The following KMT2C variants were observed in gnomAD, a reference collection of about 807,000 sequenced individuals.
The protein encoded by KMT2C is histone-lysine N-methyltransferase 2C.
Under a neutral mutation model 507.9 loss-of-function variants are expected in KMT2C, and 88 were observed. The ratio of observed to expected loss-of-function variants is 0.17; its 90% CI spans 0.15 to 0.21. The LOEUF (loss-of-function observed/expected upper bound fraction) is 0.21. Among genes scored for constraint, KMT2C ranks in the 10% least tolerant of loss-of-function variants. The pLI is 1.00. For missense variants in KMT2C, 4,954 were observed against 5,957.8 expected (o/e 0.83, Z 5.55); for synonymous variants, 2,049 against 2,080.8 (o/e 0.98, Z 0.42).
At chr7:152,290,587 C>T (rs1052017379) in intron 6 of KMT2C, among the ~76,000 whole-genome samples, 75 of 151,476 alleles carry the variant, frequency 5.0e-4, no homozygotes, top group African/African-American at 1.7e-3. Context: ...GGATTACAGG[C>T]GTAAACCACT....
chr7:152,156,227 G>T lies in KMT2C; in HGVS notation c.11790C>A (p.Ala3930=). 2 of 1,614,072 alleles carry T rather than the reference G, an allele frequency of 1.2e-6. No homozygotes were observed. Among genetic ancestry groups the T allele is most frequent in the Non-Finnish European group, 1.7e-6 (2 of 1,180,014 alleles). ...FATTEELAGK[A]GVLVSHEVTK... The stretch of plus-strand genomic sequence containing the variant: ...TACCTTCATGGCTCACTAACACTCC[G>T]GCTTTTCCAGCAAGTTCTTCAGTTG... Residue 3930 remains alanine (A), a synonymous_variant, in exon 45 of 59, where the codon GCC becomes GCA. Coordinates refer to ENST00000262189, the MANE Select transcript of KMT2C (RefSeq NM_170606.3).
chr7:152,205,112 C>G lies in KMT2C; in HGVS notation c.3955G>C (p.Asp1319His), dbSNP rs138119145. The G allele has an allele frequency of 6.6e-3, 10,631 of 1,610,346 alleles. 68 individuals carry two copies. Among genetic ancestry groups the G allele is most frequent in the Middle Eastern group, 0.012 (70 of 5,988 alleles). Reference protein sequence around the residue: ...GSISEQLPCRDDGWSEQLPDT... With the variant: ...GSISEQLPCRHDGWSEQLPDT... ...TTTTAAGTCAGTACTATACCATCAT[C>G]TCTGCAAGGTAACTGCTCGGAAATA... Residue 1319 changes from aspartate (D) to histidine (H), a missense_variant, in exon 25 of 59, where the codon GAT (aspartate) becomes CAT (histidine). Physicochemically the swap from Asp to His is moderately conservative, Grantham distance 81. Coordinates refer to ENST00000262189, the MANE Select transcript of KMT2C (RefSeq NM_170606.3).
At chr7:152,304,735 C>G (rs1290452365) in intron 6 of KMT2C, among the ~76,000 whole-genome samples, 1 of 152,022 alleles carries the variant, frequency 6.6e-6, no homozygotes, top group Non-Finnish European at 1.5e-5. Context: ...GAGACGAGAT[C>G]TCACTATGTT....
In KMT2C at chr7:152,158,932, T is replaced by C. The variant is rs182863630; in HGVS notation, c.11601A>G (p.Lys3867=). Reference sequence around the variant, plus strand: ...GTTTCTCCTCTTCGTCCTTTTTCCTTTTCTTTGAGCGAGGTGCTGCTTTCT... The same window carrying C: ...GTTTCTCCTCTTCGTCCTTTTTCCTCTTCTTTGAGCGAGGTGCTGCTTTCT... The part of the protein sequence containing the change: ...TGEKAAPRSK[K]RKKDEEEKQA... The change falls in exon 44 of 59, where the codon AAA becomes AAG. Residue 3867 remains lysine (K), a synonymous_variant. Transcript: ENST00000262189. 1.2e-6 allele frequency: 2 copies of C among 1,614,192 alleles called. No individual in the cohort carries two copies. The highest frequency in any genetic ancestry group is 1.7e-6 in the Non-Finnish European group (2 of 1,180,036).
At chr7:152,311,724 G>A in intron 5 of KMT2C, 74 bp downstream of exon 5, 1 of 1,042,196 alleles carries the variant, frequency 9.6e-7, no homozygotes, top group Non-Finnish European at 1.4e-6. Flanking sequence ...TTATTATTGA[G>A]GACATTAATA....
At chr7:152,356,897 GAATAAT>G (rs55935930) in intron 2 of KMT2C, among the ~76,000 whole-genome samples, 43,923 of 138,064 alleles carry the variant, frequency 0.32, 7,670 homozygotes, top group Non-Finnish European at 0.39. Context: ...AACTCAAAAA[GAATAAT>G]AATAATAATA....
intron 1 of KMT2C, among the ~76,000 whole-genome samples, chr7:152,359,135 T>G (rs1452171206): frequency 6.6e-6 from 1 of 152,112 alleles, no homozygotes; most frequent in African/African-American, 2.4e-5. Context: ...GTGACTGTGA[T>G]GCAGATGACT....
intron 1 of KMT2C, among the ~76,000 whole-genome samples, chr7:152,397,676 T>C (rs1467894846): frequency 1.3e-5 from 2 of 152,160 alleles, no homozygotes; most frequent in African/African-American, 4.8e-5. Context: ...CCACGTGTTG[T>C]GGAATGGACA....
At chr7:152,431,003 G>C (rs1037259268) in intron 1 of KMT2C, among the ~76,000 whole-genome samples, 1 of 152,180 alleles carries the variant, frequency 6.6e-6, no homozygotes, top group African/African-American at 2.4e-5. Flanking sequence ...CAGTTTTGCG[G>C]AACAGAGGAA....
intron 1 of KMT2C, among the ~76,000 whole-genome samples, chr7:152,427,473 A>G (rs2097830015): frequency 6.6e-6 from 1 of 152,208 alleles, no homozygotes; most frequent in South Asian, 2.1e-4. Flanking sequence ...ACAATGTATC[A>G]TAGACATTCT....
intron 6 of KMT2C, among the ~76,000 whole-genome samples, chr7:152,305,077 G>A (rs2096603521): frequency 1.3e-5 from 2 of 152,080 alleles, no homozygotes. Context: ...CTTATTTGCT[G>A]CCTATGAATG....
chr7:152,389,407 T>C (rs1418987898), intron 1 of KMT2C, among the ~76,000 whole-genome samples: 2 of 151,924 alleles, frequency 1.3e-5, no homozygotes, highest in African/African-American at 4.8e-5. Context: ...TGTGGTATTT[T>C]GTTATGGTAG....
chr7:152,221,358 G>A lies in KMT2C; in HGVS notation c.3500-623C>T, dbSNP rs993506740. 3.9e-5 allele frequency among the ~76,000 whole-genome samples: 6 copies of A among 152,178 alleles called. No individual in the cohort carries two copies. In the South Asian group the frequency reaches 6.2e-4, roughly 16 times the overall value. ...CAGCTAATCCACTATGAGCTTCTTC[G>A]TAGAAAAGATCAAAAGGCAGGGATC... On this transcript the variant is annotated intron_variant, in intron 22 of 58. Coordinates refer to ENST00000262189, the MANE Select transcript of KMT2C (RefSeq NM_170606.3).
chr7:152,171,133 A>G (rs2092943042), intron 40 of KMT2C, 131 bp downstream of exon 40: 2 of 492,442 alleles, frequency 4.1e-6, no homozygotes, highest in Non-Finnish European at 7.0e-6. Context: ...CAAATGGCAT[A>G]TGGTGAAATC....
rs4024334 is a variant in KMT2C, at chr7:152,213,875, CA to C, written c.3713-6448del. ...ATAAGGAACTCACACAACTCAGTAG[CA>C]AAAAAATCCCAAATAACTGGATTTT... is the stretch of plus-strand genomic sequence containing the variant. On this transcript the variant is annotated intron_variant, in intron 23 of 58. Coordinates refer to ENST00000262189, the MANE Select transcript of KMT2C (RefSeq NM_170606.3). Among the ~76,000 whole-genome samples the C allele has an allele frequency of 4.3e-4, 65 of 151,622 alleles. 1 individual carries two copies. The highest frequency in any genetic ancestry group is 1.5e-3 in the African/African-American group (63 of 41,378).
At chr7:152,369,349 A>C (rs1309756874) in intron 1 of KMT2C, among the ~76,000 whole-genome samples, 1 of 152,128 alleles carries the variant, frequency 6.6e-6, no homozygotes, top group Admixed American at 6.5e-5. Context: ...AAAAAAAAAA[A>C]CAAGATGGCA....
intron 1 of KMT2C, among the ~76,000 whole-genome samples, chr7:152,362,361 G>C (rs548412713): frequency 1.2e-4 from 19 of 152,156 alleles, no homozygotes; most frequent in African/African-American, 3.9e-4. Context: ...TCAGCGGTAG[G>C]GGGTAAGAAG....
chr7:152,198,764 G>A (rs1302761453), intron 27 of KMT2C, among the ~76,000 whole-genome samples: 5 of 152,112 alleles, frequency 3.3e-5, no homozygotes, highest in Non-Finnish European at 5.9e-5. Context: ...CAAAGATGCT[G>A]TTAAACATCC....
intron 14 of KMT2C, among the ~76,000 whole-genome samples, chr7:152,242,347 A>C (rs560314921): frequency 4.0e-4 from 61 of 152,200 alleles, no homozygotes; most frequent in Non-Finnish European, 7.2e-4. Flanking sequence ...TAATGCCTCC[A>C]CCAGTAATAA....
Sources: allele counts gnomAD v4.1 joint callset (sites outside exome capture counted in the v4.1 genomes callset), GRCh38; gene constraint gnomAD v4.1.1; transcripts MANE v1.5; gene names NCBI Gene and HGNC (gene_info 2026-07-23, HGNC 2026-07-21).